Variants in DNAH3 observed in about 807,000 individuals in gnomAD.
The protein encoded by DNAH3 is dynein axonemal heavy chain 3.
DNAH3 carries 332 observed loss-of-function variants against 432.5 expected under a neutral mutation model. That is an observed-to-expected ratio of 0.77 (90% CI 0.70 to 0.84). The LOEUF is 0.84. DNAH3 is among the 40% of genes least tolerant of loss of function. DNAH3 has a pLI of 0.00. For synonymous variants in DNAH3, 1,956 were observed against 1,900.2 expected (o/e 1.03, Z -0.76); for missense variants, 4,861 against 5,114.0 (o/e 0.95, Z 1.51).
chr16:21,078,941 C>G (rs1166862100), intron 20 of DNAH3, among the ~76,000 whole-genome samples: 1 of 152,208 alleles, frequency 6.6e-6, no homozygotes, highest in Non-Finnish European at 1.5e-5. Flanking sequence ...TCTCCTAATC[C>G]TAACTCTAAT....
chr16:21,119,403 A>C (rs2092283397), intron 11 of DNAH3, among the ~76,000 whole-genome samples: 1 of 151,988 alleles, frequency 6.6e-6, no homozygotes, highest in Non-Finnish European at 1.5e-5. Flanking sequence ...AGGCAGAGGC[A>C]GGCAGATCGC....
intron 16 of DNAH3, among the ~76,000 whole-genome samples, chr16:21,101,177 T>A (rs2091828408): frequency 6.6e-6 from 1 of 152,144 alleles, no homozygotes; most frequent in African/African-American, 2.4e-5. Context: ...TAGTCCACAG[T>A]TATCATCTAA....
At chr16:21,085,541 A>G (rs999564594) in intron 19 of DNAH3, among the ~76,000 whole-genome samples, 1 of 151,560 alleles carries the variant, frequency 6.6e-6, no homozygotes, top group African/African-American at 2.4e-5. Context: ...AAAAAAAAAA[A>G]AAAAAAAGAA....
intron 25 of DNAH3, among the ~76,000 whole-genome samples, chr16:21,061,892 T>G (rs1330715536): frequency 6.6e-6 from 1 of 152,234 alleles, no homozygotes; most frequent in Non-Finnish European, 1.5e-5. Context: ...AGCTGGTGTC[T>G]GCATTGGTAA....
intron 41 of DNAH3, among the ~76,000 whole-genome samples, chr16:21,013,947 C>T (rs1430785930): frequency 6.6e-6 from 1 of 152,064 alleles, no homozygotes; most frequent in Non-Finnish European, 1.5e-5. Context: ...CAATTAATAA[C>T]CTTCCAAGAG....
chr16:21,009,737 G>C (rs1383213241), intron 41 of DNAH3, among the ~76,000 whole-genome samples: 1 of 152,070 alleles, frequency 6.6e-6, no homozygotes, highest in Non-Finnish European at 1.5e-5. Context: ...AATTAGCCAG[G>C]CATGGTGGCA....
At chr16:20,964,641 C>T (rs2084971653) in exon 53 of DNAH3, 1 of 1,614,070 alleles carries the variant, frequency 6.2e-7, no homozygotes, top group Non-Finnish European at 8.5e-7. Flanking sequence ...GAGGGTCAAT[C>T]ATTAAGGCCC....
chr16:21,106,409 C>G, intron 15 of DNAH3, 81 bp downstream of exon 15: 1 of 1,115,628 alleles, frequency 9.0e-7, no homozygotes, highest in Admixed American at 2.9e-5. Context: ...TACATATAGA[C>G]TATTTGAAAT....
intron 1 of DNAH3, chr16:21,150,359 A>G: frequency 2.2e-6 from 1 of 449,162 alleles, no homozygotes; most frequent in Non-Finnish European, 4.4e-6. Flanking sequence ...TAAAATGAAT[A>G]AAGAGCTTTC....
At chr16:21,149,234 AAAAAAGAAAGAAAG>A (rs960204476) in intron 1 of DNAH3, among the ~76,000 whole-genome samples, 18 of 151,896 alleles carry the variant, frequency 1.2e-4, no homozygotes, top group Non-Finnish European at 2.1e-4. Flanking sequence ...CTCAAAAAAA[AAAAAAGAAAGAAAG>A]AAAAAGAAAG....
chr16:21,028,524 A>C (rs1216791022), intron 37 of DNAH3, among the ~76,000 whole-genome samples: 1 of 150,912 alleles, frequency 6.6e-6, no homozygotes, highest in Non-Finnish European at 1.5e-5. Context: ...AAAAAAAAAT[A>C]GCCGGGCATG....
intron 35 of DNAH3, 92 bp from the exon 36 acceptor site, chr16:21,034,177 G>C: frequency 1.3e-6 from 1 of 794,466 alleles, no homozygotes; most frequent in South Asian, 1.6e-5. Flanking sequence ...TGAGGGGTCA[G>C]AAGAGGATTC....
chr16:20,944,803 G>T, intron 57 of DNAH3, 140 bp from the exon 58 acceptor site: 1 of 663,108 alleles, frequency 1.5e-6, no homozygotes. Context: ...ACACACACAC[G>T]CTGGGAGAAC....
At chr16:21,026,530 A>G (rs1449794700) in intron 38 of DNAH3, among the ~76,000 whole-genome samples, 1 of 151,762 alleles carries the variant, frequency 6.6e-6, no homozygotes, top group African/African-American at 2.4e-5. Context: ...GTGAAACCCC[A>G]TCTCTACTAA....
At chr16:20,975,523 T>A in intron 50 of DNAH3, 108 bp from the exon 51 acceptor site, 1 of 1,077,068 alleles carries the variant, frequency 9.3e-7, no homozygotes, top group Non-Finnish European at 1.3e-6. Flanking sequence ...AAATATGTAC[T>A]AATGATTTTG....
At chr16:20,993,905 T>C (rs2086657651) in intron 44 of DNAH3, among the ~76,000 whole-genome samples, 1 of 152,206 alleles carries the variant, frequency 6.6e-6, no homozygotes, top group African/African-American at 2.4e-5. Context: ...TATGCCTTGG[T>C]AGTGATCATT....
chr16:20,939,685 C>T (rs1225964103), intron 59 of DNAH3, among the ~76,000 whole-genome samples: 2 of 152,058 alleles, frequency 1.3e-5, no homozygotes, highest in African/African-American at 2.4e-5. Flanking sequence ...CCTCCAGTCC[C>T]CTGGTCCTCT....
chr16:21,110,225 C>A (rs1476325666), intron 14 of DNAH3, among the ~76,000 whole-genome samples: 1 of 152,182 alleles, frequency 6.6e-6, no homozygotes, highest in African/African-American at 2.4e-5. Flanking sequence ...TTATCGGGGA[C>A]CCCCACCCCT....
At position 20,935,331 on chromosome 16, in the gene DNAH3, AC is replaced by A; in HGVS notation, c.11997+16del. On this transcript the variant is annotated intron_variant, in intron 61 of 61. Coordinates refer to ENST00000261383, the Ensembl canonical transcript of DNAH3. ...CTGGTCAGCCCCTTGAGTGAGCCTA[AC>A]CCAAAGCACCCCTACCTCAAACTCA... The A allele has an allele frequency of 6.2e-7, 1 of 1,613,926 alleles. No individual in the cohort carries two copies.
Sources: allele counts gnomAD v4.1 joint callset (sites outside exome capture counted in the v4.1 genomes callset), GRCh38; gene constraint gnomAD v4.1.1; transcripts MANE v1.5; gene names NCBI Gene and HGNC (gene_info 2026-07-23, HGNC 2026-07-21).